CSMD1: variants seen among roughly 807,000 people sequenced by gnomAD.
The protein encoded by CSMD1 is CUB and Sushi multiple domains 1.
A neutral mutation model predicts 417.5 loss-of-function variants in CSMD1; 213 were observed. The ratio of observed to expected loss-of-function variants is 0.51; its 90% CI spans 0.46 to 0.57. CSMD1 has a LOEUF of 0.57. CSMD1 is among the 20% of genes least tolerant of loss of function. The pLI, the probability that CSMD1 is intolerant of heterozygous loss-of-function variation, is 0.00. For missense variants in CSMD1, 6,923 were observed against 4,529.7 expected (o/e 1.53, Z -15.17); for synonymous variants, 2,862 against 1,736.8 (o/e 1.65, Z -16.11).
chr8:2,971,549 G>C (rs886198048), intron 57 of CSMD1, among the ~76,000 whole-genome samples: 7 of 152,016 alleles, frequency 4.6e-5, no homozygotes, highest in Non-Finnish European at 7.4e-5. Context: ...GCCTCATATC[G>C]GGAAGATAGA....
chr8:3,478,122 G>C (rs1484836413), intron 11 of CSMD1, among the ~76,000 whole-genome samples: 1 of 152,184 alleles, frequency 6.6e-6, no homozygotes, highest in Admixed American at 6.5e-5. Flanking sequence ...CCTCACTCAA[G>C]TATGGCAGAC....
Position 4,477,591 on chromosome 8 carries a change from T to C in CSMD1, c.303-57526A>G, listed in dbSNP as rs759086913. On this transcript the variant is annotated intron_variant, in intron 2 of 69. Transcript: ENST00000635120. ...TTTTTAAAAATTGCGAGTTGAGAAG[T>C]TCCTATTTAAACTGACTTCTGCACA... Among the ~76,000 whole-genome samples, 46 of 152,054 alleles carry C rather than the reference T, an allele frequency of 3.0e-4. 1 individual carries two copies. The highest frequency in any genetic ancestry group is 1.6e-4 in the Non-Finnish European group (11 of 68,012).
chr8:4,982,761 G>C (rs931230037), intron 1 of CSMD1, among the ~76,000 whole-genome samples: 1 of 152,114 alleles, frequency 6.6e-6, no homozygotes, highest in African/African-American at 2.4e-5. Flanking sequence ...ATACCCCAAA[G>C]TTCGGCTTGG....
intron 6 of CSMD1, among the ~76,000 whole-genome samples, chr8:3,726,847 A>G (rs190535735): frequency 6.6e-6 from 1 of 152,302 alleles, no homozygotes; most frequent in Admixed American, 6.5e-5. Flanking sequence ...CTGTAAAGCA[A>G]TGTCTCCCTG....
intron 23 of CSMD1, among the ~76,000 whole-genome samples, chr8:3,324,539 C>A (rs1437731862): frequency 4.0e-5 from 6 of 151,340 alleles, no homozygotes; most frequent in Admixed American, 2.0e-4. Flanking sequence ...TTCTTCCCCC[C>A]ACCATTCGTC....
chr8:4,846,880 A>C (rs546773572), intron 1 of CSMD1, among the ~76,000 whole-genome samples: 1 of 152,222 alleles, frequency 6.6e-6, no homozygotes, highest in Non-Finnish European at 1.5e-5. Context: ...CTTGAAATAG[A>C]ATAATAGTGA....
chr8:3,517,412 C>G (rs138613694), intron 10 of CSMD1, among the ~76,000 whole-genome samples: 1 of 152,138 alleles, frequency 6.6e-6, no homozygotes, highest in Non-Finnish European at 1.5e-5. Context: ...AGTATCCAAG[C>G]AAAGAGAGTC....
intron 3 of CSMD1, among the ~76,000 whole-genome samples, chr8:4,360,840 G>C (rs186470417): frequency 6.6e-6 from 1 of 152,036 alleles, no homozygotes; most frequent in Non-Finnish European, 1.5e-5. Flanking sequence ...TAATCACGGA[G>C]CTTCTGGTCT....
At position 3,106,568 on chromosome 8, in the gene CSMD1, A is replaced by T; in HGVS notation, c.6909T>A (p.Ser2303Arg). The part of the protein sequence containing the change: ...VGTDILTCKL[S>R]SQLQFEGSLP... ...GAGAACCCTCAAACTGCAACTGGGA[A>T]CTGAGCTTGCAAGTCAGAATGTCGG... The change falls in exon 46 of 70, where the codon AGT becomes AGA. Residue 2303 changes from serine to arginine, a missense_variant. Physicochemically the swap from Ser to Arg is moderately radical, Grantham distance 110. Coordinates refer to ENST00000635120, the MANE Select transcript of CSMD1 (RefSeq NM_033225.6). 4 of 1,613,880 alleles carry T rather than the reference A, an allele frequency of 2.5e-6. No individual in the cohort carries two copies. The highest frequency in any genetic ancestry group is 2.5e-6 in the Non-Finnish European group (3 of 1,179,814).
intron 59 of CSMD1, among the ~76,000 whole-genome samples, chr8:2,965,458 G>A (rs796097928): frequency 1.5e-4 from 23 of 152,216 alleles, no homozygotes; most frequent in African/African-American, 5.3e-4. Flanking sequence ...TAGGGTCACA[G>A]GTTTACCCAG....
intron 2 of CSMD1, among the ~76,000 whole-genome samples, chr8:4,451,143 C>T (rs944994292): frequency 5.9e-5 from 9 of 151,638 alleles, no homozygotes; most frequent in African/African-American, 1.9e-4. Context: ...GCCTGGGCAA[C>T]ACAGTAAGAC....
Position 3,454,823 on chromosome 8 carries a change from G to C in CSMD1, c.1561+13889C>G, listed in dbSNP as rs187714099. On this transcript the variant is annotated intron_variant, in intron 12 of 69. Coordinates refer to ENST00000635120, the MANE Select transcript of CSMD1 (RefSeq NM_033225.6). ...GCTCTTCTCGAGGAGTATCTTTGTG[G>C]CATTCTCTGTATTTCCTGAATTTGA... 6.6e-5 allele frequency among the ~76,000 whole-genome samples: 10 copies of C among 152,186 alleles called. No individual in the cohort carries two copies. In the East Asian group the frequency reaches 1.5e-3, roughly 24 times the overall value.
chr8:4,891,862 A>T (rs1804144797), intron 1 of CSMD1, among the ~76,000 whole-genome samples: 1 of 152,140 alleles, frequency 6.6e-6, no homozygotes, highest in Non-Finnish European at 1.5e-5. Context: ...TTATCCATTG[A>T]TTGTAAAAGT....
intron 10 of CSMD1, among the ~76,000 whole-genome samples, chr8:3,506,911 G>T (rs1054098713): frequency 1.3e-5 from 2 of 151,924 alleles, no homozygotes; most frequent in Non-Finnish European, 2.9e-5. Context: ...AATAAATATT[G>T]GCAACATCAC....
At chr8:4,546,421 G>T (rs773686182) in intron 2 of CSMD1, among the ~76,000 whole-genome samples, 1 of 152,102 alleles carries the variant, frequency 6.6e-6, no homozygotes, top group East Asian at 1.9e-4. Context: ...AGTTTGAATC[G>T]GCAGACTGAG....
intron 5 of CSMD1, among the ~76,000 whole-genome samples, chr8:3,845,443 A>T (rs1803438562): frequency 6.6e-6 from 1 of 152,146 alleles, no homozygotes; most frequent in African/African-American, 2.4e-5. Context: ...AGCATATCTA[A>T]CCACAGAAAA....
intron 5 of CSMD1, among the ~76,000 whole-genome samples, chr8:3,982,205 T>A (rs564878081): frequency 6.1e-4 from 85 of 138,516 alleles, no homozygotes; most frequent in Admixed American, 1.9e-3. Flanking sequence ...ATAAAAAAAA[T>A]AATAATAATA....
chr8:4,446,957 C>A (rs1328002580), intron 2 of CSMD1, among the ~76,000 whole-genome samples: 3 of 150,642 alleles, frequency 2.0e-5, no homozygotes, highest in Non-Finnish European at 4.4e-5. Context: ...AAAACATTGG[C>A]CCTACAAAAA....
chr8:4,702,814 C>G (rs565934133), intron 1 of CSMD1, among the ~76,000 whole-genome samples: 19 of 152,224 alleles, frequency 1.2e-4, no homozygotes, highest in South Asian at 1.2e-3. Context: ...TAGCGGGATT[C>G]ATCATATCTT....
Sources: gnomAD v4.1 joint callset for allele counts (sites outside exome capture counted in the v4.1 genomes callset) on GRCh38, gnomAD v4.1.1 for gene constraint, MANE v1.5 for transcripts, NCBI Gene and HGNC (gene_info 2026-07-23, HGNC 2026-07-21) for gene names.